Variants in HTR1F observed in about 807,000 individuals in gnomAD.
HTR1F encodes the protein 5-hydroxytryptamine (serotonin) receptor 1F, G protein-coupled.
Under a neutral mutation model 24.0 loss-of-function variants are expected in HTR1F, and 17 were observed. The ratio of observed to expected loss-of-function variants is 0.71; its 90% CI spans 0.48 to 1.06. HTR1F has a LOEUF of 1.06. HTR1F is among the 50% of genes least tolerant of loss of function. HTR1F has a pLI of 0.00. For missense variants in HTR1F, 391 were observed against 427.8 expected (o/e 0.91, Z 0.76); for synonymous variants, 186 against 156.8 (o/e 1.19, Z -1.39).
At chr3:87,829,539 C>G (rs905633502) in intron 2 of HTR1F, among the ~76,000 whole-genome samples, 1 of 152,176 alleles carries the variant, frequency 6.6e-6, no homozygotes, top group Admixed American at 6.5e-5. Context: ...CTCTGGGATT[C>G]CCCCCTTCCT....
intron 2 of HTR1F, among the ~76,000 whole-genome samples, chr3:87,873,075 T>A (rs1705592495): frequency 6.7e-6 from 1 of 149,288 alleles, no homozygotes; most frequent in African/African-American, 2.5e-5. Flanking sequence ...ATACAATGGA[T>A]GGATACATAC....
chr3:87,846,177 A>T (rs1215511171), intron 2 of HTR1F, among the ~76,000 whole-genome samples: 1 of 152,056 alleles, frequency 6.6e-6, no homozygotes, highest in Non-Finnish European at 1.5e-5. Context: ...TCACGCCTGT[A>T]ATCCCAGCAC....
At chr3:87,944,283 T>C (rs949316752) in intron 2 of HTR1F, among the ~76,000 whole-genome samples, 5 of 152,214 alleles carry the variant, frequency 3.3e-5, no homozygotes, top group African/African-American at 1.2e-4. Flanking sequence ...ACAGTTCTTA[T>C]GCAAATTCAT....
chr3:87,901,467 C>A (rs528030569), intron 2 of HTR1F, among the ~76,000 whole-genome samples: 1 of 152,170 alleles, frequency 6.6e-6, no homozygotes, highest in African/African-American at 2.4e-5. Flanking sequence ...TCTGGGACTT[C>A]GAGCCTCCAG....
intron 2 of HTR1F, among the ~76,000 whole-genome samples, chr3:87,960,479 T>C (rs1163572956): frequency 6.6e-6 from 1 of 151,868 alleles, no homozygotes; most frequent in South Asian, 2.1e-4. Flanking sequence ...TTTTTGTGAG[T>C]AGGGAAAGAA....
chr3:87,982,079 C>A lies in HTR1F; in HGVS notation c.-42-8629C>A, dbSNP rs149911328. 7.3e-3 allele frequency among the ~76,000 whole-genome samples: 1,107 copies of A among 152,188 alleles called. 14 individuals carry two copies. Among genetic ancestry groups the A allele is most frequent in the African/African-American group, 0.025 (1,055 of 41,524 alleles). On this transcript the variant is annotated intron_variant, in intron 2 of 2. Coordinates refer to ENST00000319595, the MANE Select transcript of HTR1F (RefSeq NM_001322209.2). ...CTGGGATTACAGGCAACTGCCACCA[C>A]ACCTGGCTAATTTTTGTATTTTTAA... is the stretch of plus-strand genomic sequence containing the variant.
At chr3:87,808,026 A>G (rs1404828071) in intron 1 of HTR1F, among the ~76,000 whole-genome samples, 1 of 151,540 alleles carries the variant, frequency 6.6e-6, no homozygotes, top group Admixed American at 6.6e-5. Context: ...GTTTGCTAGT[A>G]TTTTTTTGAG....
chr3:87,982,865 C>A (rs145517319), intron 2 of HTR1F, among the ~76,000 whole-genome samples: 2 of 152,124 alleles, frequency 1.3e-5, no homozygotes, highest in Non-Finnish European at 2.9e-5. Context: ...ACAAATAAAT[C>A]GCCTGTTTAG....
intron 2 of HTR1F, among the ~76,000 whole-genome samples, chr3:87,977,370 C>T (rs1366827825): frequency 1.3e-5 from 2 of 150,986 alleles, no homozygotes; most frequent in Non-Finnish European, 2.9e-5. Context: ...TATTTTTTCC[C>T]TCTACAGATA....
chr3:87,882,286 G>A (rs1705822055), intron 2 of HTR1F, among the ~76,000 whole-genome samples: 2 of 152,206 alleles, frequency 1.3e-5, no homozygotes, highest in African/African-American at 4.8e-5. Context: ...AACCACTGTG[G>A]AAGTCAGTGT....
intron 1 of HTR1F, among the ~76,000 whole-genome samples, 40 bp downstream of exon 1, chr3:87,792,882 C>T (rs942270720): frequency 1.3e-5 from 2 of 152,170 alleles, no homozygotes; most frequent in Non-Finnish European, 2.9e-5. Flanking sequence ...GAGTGCGGGT[C>T]ACGCCCGCAG....
chr3:87,949,214 A>G (rs990243659), intron 2 of HTR1F, among the ~76,000 whole-genome samples: 2 of 152,246 alleles, frequency 1.3e-5, no homozygotes, highest in Non-Finnish European at 2.9e-5. Context: ...AGAAGAGCAA[A>G]GATCCTTTAG....
chr3:87,906,147 T>C (rs1189394394), intron 2 of HTR1F, among the ~76,000 whole-genome samples: 2 of 152,100 alleles, frequency 1.3e-5, no homozygotes, highest in Non-Finnish European at 2.9e-5. Context: ...TTCCAATATA[T>C]AACTCAGGGT....
intron 1 of HTR1F, among the ~76,000 whole-genome samples, chr3:87,810,819 A>G (rs1704147810): frequency 6.6e-6 from 1 of 152,156 alleles, no homozygotes; most frequent in Non-Finnish European, 1.5e-5. Context: ...TGTGGCTTTG[A>G]CACAGTTTAT....
intron 2 of HTR1F, among the ~76,000 whole-genome samples, chr3:87,842,406 C>A (rs891203310): frequency 2.0e-5 from 3 of 151,938 alleles, no homozygotes; most frequent in African/African-American, 7.3e-5. Context: ...TAGTGATCCA[C>A]CCACCTTGGC....
chr3:87,816,224 T>A (rs1490207906), intron 1 of HTR1F, among the ~76,000 whole-genome samples: 1 of 152,116 alleles, frequency 6.6e-6, no homozygotes, highest in Non-Finnish European at 1.5e-5. Flanking sequence ...GCCCTCATCC[T>A]GTCTTATCAC....
At chr3:87,850,229 C>T (rs1705052109) in intron 2 of HTR1F, among the ~76,000 whole-genome samples, 2 of 152,008 alleles carry the variant, frequency 1.3e-5, no homozygotes, top group South Asian at 2.1e-4. Flanking sequence ...CAATGATAGA[C>T]TGGACTAAGA....
intron 1 of HTR1F, among the ~76,000 whole-genome samples, chr3:87,811,142 A>C (rs1704153886): frequency 1.3e-5 from 2 of 152,184 alleles, no homozygotes; most frequent in Admixed American, 6.5e-5. Flanking sequence ...GGAAACACTT[A>C]AAATTATATA....
intron 2 of HTR1F, among the ~76,000 whole-genome samples, chr3:87,884,644 G>T (rs1052237009): frequency 6.6e-6 from 1 of 151,862 alleles, no homozygotes; most frequent in South Asian, 2.1e-4. Flanking sequence ...AAAATAAAGT[G>T]ATGGAGGAAG....
Sources: gnomAD v4.1 joint callset for allele counts (sites outside exome capture counted in the v4.1 genomes callset) on GRCh38, gnomAD v4.1.1 for gene constraint, MANE v1.5 for transcripts, NCBI Gene and HGNC (gene_info 2026-07-23, HGNC 2026-07-21) for gene names.